Variants in ASAH2 observed in about 807,000 individuals in gnomAD.
ASAH2 encodes N-acylsphingosine amidohydrolase 2.
Under a neutral mutation model 82.9 loss-of-function variants are expected in ASAH2, and 58 were observed. The ratio of observed to expected loss-of-function variants is 0.70; its 90% CI spans 0.57 to 0.87. The LOEUF is 0.87. Among genes scored for constraint, ASAH2 ranks in the 40% least tolerant of loss-of-function variants. The pLI is 0.00. For synonymous variants in ASAH2, 276 were observed against 289.7 expected (o/e 0.95, Z 0.48); for missense variants, 779 against 834.0 (o/e 0.93, Z 0.81).
Position 50,238,144 on chromosome 10 carries a change from G to C in ASAH2, c.511-2080C>G, listed in dbSNP as rs1037658942. Among the ~76,000 whole-genome samples the C allele has an allele frequency of 4.3e-3, 658 of 152,228 alleles. 3 individuals carry two copies. The highest frequency in any genetic ancestry group is 0.013 in the African/African-American group (528 of 41,548). The stretch of plus-strand genomic sequence containing the variant: ...CATGATCAATTTCAAGCTACCAAAA[G>C]CTTAACAGCCAGCTCACAATGTTTC... On this transcript the variant is annotated intron_variant, in intron 4 of 20. Transcript: ENST00000682911.
chr10:50,235,964 T>C lies in ASAH2; in HGVS notation c.611A>G (p.Gln204Arg). 1 of 1,613,410 alleles carries C rather than the reference T, an allele frequency of 6.2e-7. No homozygotes were observed. The highest frequency in any genetic ancestry group is 8.5e-7 in the Non-Finnish European group (1 of 1,179,476). Residue 204 changes from glutamine to arginine, a missense_variant, in exon 5 of 21, where the codon CAG becomes CGG. Physicochemically the swap from Gln to Arg is conservative, Grantham distance 43 (BLOSUM62 1). Coordinates refer to ENST00000682911, the MANE Select transcript of ASAH2 (RefSeq NM_019893.4). ...HTHSGPAGYF[Q>R]YTVFVIASEG... is the part of the protein sequence containing the mutation. Reference sequence around the variant, plus strand: ...ACTGGCAATTACAAACACGGTATACTGGAAATATCCTGCAGGACCTGAATG... The same window carrying C: ...ACTGGCAATTACAAACACGGTATACCGGAAATATCCTGCAGGACCTGAATG...
intron 7 of ASAH2, among the ~76,000 whole-genome samples, chr10:50,230,975 A>G (rs1846006739): frequency 6.6e-6 from 1 of 151,048 alleles, no homozygotes; most frequent in Non-Finnish European, 1.5e-5. Context: ...TAGGAATTTG[A>G]GGCAGCAGTG....
chr10:50,222,331 T>C (rs1291753065), intron 7 of ASAH2, among the ~76,000 whole-genome samples: 1 of 152,218 alleles, frequency 6.6e-6, no homozygotes, highest in Non-Finnish European at 1.5e-5. Context: ...CAGGCTGGAG[T>C]GCAGTGGTGC....
At chr10:50,195,810 C>T (rs1433134581) in intron 18 of ASAH2, among the ~76,000 whole-genome samples, 1 of 151,752 alleles carries the variant, frequency 6.6e-6, no homozygotes, top group Non-Finnish European at 1.5e-5. Context: ...ATAAATACCA[C>T]ATGATCTCAC....
At position 50,186,087 on chromosome 10, in the gene ASAH2, T is replaced by C. The variant is rs1378482375; in HGVS notation, c.*1228A>G. ...CAATGCCCAAAAATAACTTTCAAAA[T>C]AGTATTTAGCAAACTGTCTGGAGCC... On this transcript the variant is annotated 3_prime_UTR_variant, in exon 21 of 21. Coordinates refer to ENST00000682911, the MANE Select transcript of ASAH2 (RefSeq NM_019893.4). The C allele has an allele frequency of 1.4e-5, 2 of 144,718 alleles. No individual in the cohort carries two copies. Among genetic ancestry groups the C allele is most frequent in the Non-Finnish European group, 3.0e-5 (2 of 66,368 alleles). The allele number at this position is 144,718 out of a possible 1,614,324, so 9.0% of individuals were successfully genotyped here.
chr10:50,221,979 T>C (rs1008057879), intron 7 of ASAH2, among the ~76,000 whole-genome samples: 5 of 152,114 alleles, frequency 3.3e-5, no homozygotes, highest in Non-Finnish European at 5.9e-5. Context: ...TAACGAGTAC[T>C]CCTAGCAGAG....
Position 50,248,514 on chromosome 10 carries a change from T to C in ASAH2, c.97A>G (p.Ile33Val), listed in dbSNP as rs180822330. 65 of 1,613,634 alleles carry C rather than the reference T, an allele frequency of 4.0e-5. 1 individual carries two copies. Among genetic ancestry groups the C allele is most frequent in the South Asian group, 4.0e-4 (36 of 91,072 alleles). Reference sequence around the variant, plus strand: ...TGGTTTTCAATGGTCCCACTGGTGATAAACAAGAGGCTGAGAAGGGCCACT... The same window carrying C: ...TGGTTTTCAATGGTCCCACTGGTGACAAACAAGAGGCTGAGAAGGGCCACT... ...ITVALLSLLF[I>V]TSGTIENHKD... The change falls in exon 2 of 21, where the codon ATC becomes GTC. Residue 33 changes from isoleucine to valine, a missense_variant. By Grantham distance (29) the Ile-to-Val change is conservative (BLOSUM62 3). Around this residue, in one of 3 missense-constraint regions of ASAH2, gnomAD observed 759 missense variants for 755.2 expected, o/e 1.00. Coordinates refer to ENST00000682911, the MANE Select transcript of ASAH2 (RefSeq NM_019893.4).
chr10:50,218,589 T>C lies in ASAH2; in HGVS notation c.935A>G (p.His312Arg). ...IHPVSMNNSN[H>R]LVNSDNVGYA... ...GCCCACATTGTCACTGTTTACAAGA[T>C]GGTTACTGTTGTTCATGCTGACCGG... The change falls in exon 8 of 21, where the codon CAT becomes CGT. Residue 312 changes from histidine (H) to arginine (R), a missense_variant. His to Arg is a conservative substitution (Grantham distance 29). This residue lies in a region of ASAH2 where 759 missense variants were observed against 755.2 expected (regional missense o/e 1.00). Coordinates refer to ENST00000682911, the MANE Select transcript of ASAH2 (RefSeq NM_019893.4). 6.2e-7 allele frequency: 1 copy of C among 1,613,816 alleles called. No individual in the cohort carries two copies. Among genetic ancestry groups the C allele is most frequent in the Non-Finnish European group, 8.5e-7 (1 of 1,179,762 alleles).
chr10:50,245,117 A>T lies in ASAH2; in HGVS notation c.360+105T>A, dbSNP rs7096899. ...AGCAGCAAGGTCAATTAAAAAGCTA[A>T]AAGAAGATAATGATGATGTTGTAAT... On this transcript the variant is annotated intron_variant, in intron 3 of 20. Transcript: ENST00000682911. The T allele has an allele frequency of 6.8e-6, 7 of 1,032,616 alleles. No individual in the cohort carries two copies. In the African/African-American group the frequency reaches 9.7e-5, roughly 14 times the overall value. 64.0% of individuals were successfully genotyped at this position (1,032,616 alleles called of 1,614,324 possible). A position where few individuals can be genotyped will look rare whatever the true frequency, so the allele number is the denominator to read the frequency against.
At chr10:50,221,791 T>C (rs1845757509) in intron 7 of ASAH2, among the ~76,000 whole-genome samples, 1 of 152,144 alleles carries the variant, frequency 6.6e-6, no homozygotes, top group Non-Finnish European at 1.5e-5. Context: ...TTCTGTCCCT[T>C]CTCTTCATTC....
chr10:50,228,376 G>T (rs936761873), intron 7 of ASAH2, among the ~76,000 whole-genome samples: 1 of 152,138 alleles, frequency 6.6e-6, no homozygotes, highest in Admixed American at 6.6e-5. Flanking sequence ...TATAGAGTCA[G>T]AATACAGAAA....
At chr10:50,236,699 A>G (rs1286337381) in intron 4 of ASAH2, among the ~76,000 whole-genome samples, 1 of 152,266 alleles carries the variant, frequency 6.6e-6, no homozygotes, top group South Asian at 2.1e-4. Context: ...AAAAATCTTT[A>G]TTACAATTTC....
intron 2 of ASAH2, among the ~76,000 whole-genome samples, chr10:50,247,732 A>C (rs1331414699): frequency 6.6e-6 from 1 of 152,176 alleles, no homozygotes; most frequent in Non-Finnish European, 1.5e-5. Flanking sequence ...CTCATTTAAC[A>C]GTTATGTAAC....
chr10:50,186,691 GA>G lies in ASAH2; in HGVS notation c.*623del. ...CTCTGAACTAGGCATGTTAACTCCA[GA>G]ATGACTGCTTAGAAAGACTATGTTA... On this transcript the variant is annotated 3_prime_UTR_variant, in exon 21 of 21. Coordinates refer to ENST00000682911, the MANE Select transcript of ASAH2 (RefSeq NM_019893.4). 1 of 134,434 alleles carries G rather than the reference GA, an allele frequency of 7.4e-6. No homozygotes were observed. Among genetic ancestry groups the G allele is most frequent in the Non-Finnish European group, 1.6e-5 (1 of 63,846 alleles). The allele number at this position is 134,434 out of a possible 1,614,324, so 8.3% of individuals were successfully genotyped here.
intron 3 of ASAH2, 105 bp from the exon 4 acceptor site, chr10:50,243,456 A>G: frequency 8.0e-7 from 1 of 1,251,246 alleles, no homozygotes; most frequent in Non-Finnish European, 1.1e-6. Flanking sequence ...AAAGAAAAAC[A>G]TCCACATGAC....
rs1264892125 is a variant in ASAH2, at chr10:50,210,860, G to T, written c.1377C>A (p.Gly459=). Residue 459 remains glycine, a synonymous_variant, in exon 12 of 21, where the codon GGC becomes GGA. Coordinates refer to ENST00000682911, the MANE Select transcript of ASAH2 (RefSeq NM_019893.4). Reference sequence around the variant, plus strand: ...TGAGGCCTCCAACTCCATCAATAGTGCCAGCTGCAAAACTGTAGCCCAATG... The same window carrying T: ...TGAGGCCTCCAACTCCATCAATAGTTCCAGCTGCAAAACTGTAGCCCAATG... ...KPALGYSFAA[G]TIDGVGGLNF... 2.0e-5 allele frequency: 32 copies of T among 1,613,596 alleles called. No homozygotes were observed. In the East Asian group the frequency reaches 6.5e-4, roughly 33 times the overall value.
At chr10:50,239,764 C>T (rs1278541559) in intron 4 of ASAH2, among the ~76,000 whole-genome samples, 2 of 151,404 alleles carry the variant, frequency 1.3e-5, no homozygotes, top group African/African-American at 2.4e-5. Context: ...GAGTTCCAGA[C>T]TCAGCATGAA....
chr10:50,207,898 A>G (rs1845346117), intron 12 of ASAH2, among the ~76,000 whole-genome samples: 1 of 152,056 alleles, frequency 6.6e-6, no homozygotes, highest in Non-Finnish European at 1.5e-5. Context: ...TAAATAGGAC[A>G]CAAAAACCTA....
chr10:50,208,090 T>A (rs1322107267), intron 12 of ASAH2, among the ~76,000 whole-genome samples: 1 of 151,880 alleles, frequency 6.6e-6, no homozygotes, highest in Non-Finnish European at 1.5e-5. Context: ...CAGAGAGAAA[T>A]ATTTGCCAAA....
Sources: allele counts gnomAD v4.1 joint callset (sites outside exome capture counted in the v4.1 genomes callset), GRCh38; gene constraint gnomAD v4.1.1; regional missense constraint gnomAD v4.1.1; transcripts MANE v1.5; gene names NCBI Gene and HGNC (gene_info 2026-07-23, HGNC 2026-07-21).